The following NFIL3 variants were observed in gnomAD, a reference collection of about 807,000 sequenced individuals.
The protein encoded by NFIL3 is nuclear factor, interleukin 3 regulated, also known as nuclear factor interleukin-3-regulated protein.
NFIL3 carries 5 observed loss-of-function variants against 10.0 expected under a neutral mutation model. The observed-to-expected ratio is 0.50, with a 90% CI of 0.26 to 1.06. The LOEUF is 1.06. Among genes scored for constraint, NFIL3 ranks in the 50% least tolerant of loss-of-function variants. NFIL3 has a pLI of 0.13. For synonymous variants in NFIL3, 202 were observed against 206.5 expected (o/e 0.98, Z 0.19); for missense variants, 436 against 547.6 (o/e 0.80, Z 2.03).
chr9:91,450,300 C>G, the NFIL3 span, among the ~76,000 whole-genome samples: 1 of 152,062 alleles, frequency 6.6e-6, no homozygotes, highest in African/African-American at 2.4e-5. Flanking sequence ...AGTTAGGCTA[C>G]TGATGTGAGA....
At chr9:91,469,437 C>T in the NFIL3 span, among the ~76,000 whole-genome samples, 5 of 152,238 alleles carry the variant, frequency 3.3e-5, no homozygotes, top group African/African-American at 1.2e-4. Context: ...TGGGCTGAGA[C>T]GATGGGGCTT....
At chr9:91,438,659 C>T in the NFIL3 span, among the ~76,000 whole-genome samples, 20,295 of 152,102 alleles carry the variant, frequency 0.13, 1,508 homozygotes, top group East Asian at 0.34. Context: ...ATTTAGGTAT[C>T]TTATCCATTT....
the NFIL3 span, among the ~76,000 whole-genome samples, chr9:91,430,374 G>T: frequency 6.6e-6 from 1 of 152,272 alleles, no homozygotes; most frequent in South Asian, 2.1e-4. Flanking sequence ...TGTAGACTTG[G>T]CGCTCATTCA....
At chr9:91,475,338 C>T in the NFIL3 span, among the ~76,000 whole-genome samples, 1 of 152,082 alleles carries the variant, frequency 6.6e-6, no homozygotes, top group Non-Finnish European at 1.5e-5. Flanking sequence ...TCAAAACTTC[C>T]AACTACATGG....
At chr9:91,412,211 G>C (rs1833567384) in intron 1 of NFIL3, among the ~76,000 whole-genome samples, 1 of 149,424 alleles carries the variant, frequency 6.7e-6, no homozygotes, top group African/African-American at 2.5e-5. Flanking sequence ...TTTAAACCAA[G>C]AGAATATAGT....
the NFIL3 span, among the ~76,000 whole-genome samples, chr9:91,476,491 T>C: frequency 6.6e-6 from 1 of 152,038 alleles, no homozygotes; most frequent in African/African-American, 2.4e-5. Context: ...GAGACTTGCT[T>C]GAACCTGGGA....
chr9:91,423,985 C>T (rs1172884261), upstream of NFIL3: 3 of 146,292 alleles, frequency 2.1e-5, no homozygotes, highest in Middle Eastern at 3.5e-3. Context: ...ACTCCGCGGC[C>T]CCGCCCCGCC....
the NFIL3 span, among the ~76,000 whole-genome samples, chr9:91,433,845 T>A: frequency 6.6e-6 from 1 of 151,914 alleles, no homozygotes; most frequent in Non-Finnish European, 1.5e-5. Flanking sequence ...AAATATTATA[T>A]TTAAATATAT....
the NFIL3 span, among the ~76,000 whole-genome samples, chr9:91,434,983 C>T: frequency 6.6e-6 from 1 of 152,178 alleles, no homozygotes; most frequent in African/African-American, 2.4e-5. Flanking sequence ...GGCAAGGCTG[C>T]CTGTAGGTGA....
At chr9:91,427,245 A>G (rs1833881520), upstream of NFIL3, 1 of 152,124 alleles carries the variant, frequency 6.6e-6, no homozygotes, top group South Asian at 2.1e-4. Flanking sequence ...AAAATAAAAG[A>G]CTGCAGGACT....
the NFIL3 span, among the ~76,000 whole-genome samples, chr9:91,439,822 T>C: frequency 6.6e-6 from 1 of 152,194 alleles, no homozygotes; most frequent in East Asian, 1.9e-4. Flanking sequence ...TATTGATTGA[T>C]TTGCATATGT....
chr9:91,447,323 C>G, the NFIL3 span, among the ~76,000 whole-genome samples: 2 of 152,170 alleles, frequency 1.3e-5, no homozygotes, highest in Admixed American at 1.3e-4. Flanking sequence ...GTCCTGCTTT[C>G]AATTCCTTTG....
At chr9:91,471,529 A>C in the NFIL3 span, among the ~76,000 whole-genome samples, 1 of 131,664 alleles carries the variant, frequency 7.6e-6, no homozygotes, top group Non-Finnish European at 1.7e-5. Flanking sequence ...TATTATTATT[A>C]TACTTTAAGT....
chr9:91,471,486 C>CTTTTTT, the NFIL3 span, among the ~76,000 whole-genome samples: 1 of 132,080 alleles, frequency 7.6e-6, no homozygotes, highest in Non-Finnish European at 1.6e-5. Context: ...CAGTCTGTGT[C>CTTTTTT]TTTTTTTTTT....
At chr9:91,444,071 T>A in the NFIL3 span, among the ~76,000 whole-genome samples, 125 of 152,352 alleles carry the variant, frequency 8.2e-4, no homozygotes, top group African/African-American at 2.8e-3. Flanking sequence ...AAGCATTTGT[T>A]TGCTTAGTAG....
upstream of NFIL3, chr9:91,427,139 C>G (rs574085585): frequency 6.6e-6 from 1 of 151,804 alleles, no homozygotes; most frequent in Non-Finnish European, 1.5e-5. Context: ...AAATAAAAGA[C>G]TGCACAGCCC....
intron 1 of NFIL3, among the ~76,000 whole-genome samples, chr9:91,420,052 A>C (rs897258577): frequency 6.6e-6 from 1 of 152,150 alleles, no homozygotes; most frequent in African/African-American, 2.4e-5. Flanking sequence ...AATTGGAAAA[A>C]GCTGAGCTAT....
chr9:91,435,513 A>G, the NFIL3 span, among the ~76,000 whole-genome samples: 7 of 152,226 alleles, frequency 4.6e-5, no homozygotes, highest in South Asian at 2.1e-4. Context: ...GTGCCATTTC[A>G]TCATGGTCCT....
the NFIL3 span, among the ~76,000 whole-genome samples, chr9:91,464,390 A>G: frequency 6.6e-6 from 1 of 152,060 alleles, no homozygotes; most frequent in South Asian, 2.1e-4. Flanking sequence ...AAATAACACT[A>G]TACTACTTCA....
Sources: gnomAD v4.1 joint callset for allele counts (sites outside exome capture counted in the v4.1 genomes callset) on GRCh38, gnomAD v4.1.1 for gene constraint, MANE v1.5 for transcripts, NCBI Gene and HGNC (gene_info 2026-07-23, HGNC 2026-07-21) for gene names.